The following SUGCT variants were observed in gnomAD, a reference collection of about 807,000 sequenced individuals.
The protein encoded by SUGCT is succinyl-CoA:glutarate-CoA transferase, also known as succinyl-CoA:glutarate CoA-transferase.
A neutral mutation model predicts 55.0 loss-of-function variants in SUGCT; 41 were observed. That is an observed-to-expected ratio of 0.74 (90% CI 0.58 to 0.97). The LOEUF (loss-of-function observed/expected upper bound fraction) is 0.97, where lower values mean the gene tolerates loss of function less well. Ranked by LOEUF, SUGCT falls within the 50% of genes least tolerant of loss-of-function variation. The pLI, the probability that SUGCT is intolerant of heterozygous loss-of-function variation, is 0.00. For missense variants in SUGCT, 568 were observed against 547.8 expected, an observed-to-expected ratio of 1.04 and a Z score of -0.37; for synonymous variants, 187 against 200.4, an observed-to-expected ratio of 0.93 and a Z score of 0.56.
At chr7:40,751,655 C>T (rs1212461387) in intron 13 of SUGCT, among the ~76,000 whole-genome samples, 1 of 152,134 alleles carries the variant, frequency 6.6e-6, no homozygotes, top group Non-Finnish European at 1.5e-5. Flanking sequence ...TCCTCCTCTG[C>T]CCACCATGCT....
the SUGCT span, among the ~76,000 whole-genome samples, chr7:40,952,982 G>C: frequency 1.3e-5 from 2 of 152,124 alleles, 1 homozygote; most frequent in Admixed American, 1.3e-4. Flanking sequence ...TCTATTTCCT[G>C]AATTTGAATG....
intron 12 of SUGCT, among the ~76,000 whole-genome samples, chr7:40,626,199 C>G: frequency 6.6e-6 from 1 of 152,048 alleles, no homozygotes; most frequent in East Asian, 1.9e-4. Flanking sequence ...GGAAGCTTCC[C>G]CCAGACTCTG....
chr7:40,898,007 CG>C, the SUGCT span, among the ~76,000 whole-genome samples: 2 of 152,258 alleles, frequency 1.3e-5, no homozygotes, highest in African/African-American at 4.8e-5. Flanking sequence ...GGTTCCCTTC[CG>C]GTGTGAAAGG....
chr7:40,327,711 T>C (rs369750107), intron 9 of SUGCT, among the ~76,000 whole-genome samples: 4 of 152,360 alleles, frequency 2.6e-5, no homozygotes, highest in East Asian at 1.9e-4. Context: ...TGTGTTTTTA[T>C]ATTTTCTATG....
intron 13 of SUGCT, among the ~76,000 whole-genome samples, chr7:40,756,486 C>T (rs1308467789): frequency 6.6e-6 from 1 of 152,144 alleles, no homozygotes; most frequent in Admixed American, 6.6e-5. Flanking sequence ...CTTTTCTATG[C>T]TACACAAGAC....
At chr7:40,224,739 G>A (rs1788230243) in intron 6 of SUGCT, among the ~76,000 whole-genome samples, 2 of 152,116 alleles carry the variant, frequency 1.3e-5, no homozygotes, top group South Asian at 2.1e-4. Flanking sequence ...TTAAATTCCC[G>A]CTATACTACT....
At chr7:40,752,395 G>T (rs572247585) in intron 13 of SUGCT, among the ~76,000 whole-genome samples, 1 of 152,106 alleles carries the variant, frequency 6.6e-6, no homozygotes, top group Admixed American at 6.5e-5. Flanking sequence ...TCACTCTGTC[G>T]CCCAGGCTGA....
the SUGCT span, among the ~76,000 whole-genome samples, chr7:40,953,863 T>G: frequency 2.6e-4 from 39 of 152,310 alleles, no homozygotes; most frequent in African/African-American, 8.7e-4. Flanking sequence ...TCTGCCCCTA[T>G]TGGGGGGTGC....
intron 13 of SUGCT, chr7:40,783,567 CAGAG>C (rs1244582367): frequency 2.6e-5 from 4 of 152,016 alleles, no homozygotes; most frequent in African/African-American, 4.8e-5. Flanking sequence ...GCATAAGAGT[CAGAG>C]GGGAGAAGGA....
chr7:40,974,528 C>G, the SUGCT span, among the ~76,000 whole-genome samples: 2 of 152,186 alleles, frequency 1.3e-5, no homozygotes, highest in African/African-American at 4.8e-5. Flanking sequence ...AAATCTTGAT[C>G]TAGGACTTCC....
chr7:40,337,760 T>G (rs1177721606), intron 9 of SUGCT, among the ~76,000 whole-genome samples: 2 of 152,224 alleles, frequency 1.3e-5, no homozygotes, highest in African/African-American at 2.4e-5. Flanking sequence ...TTAAGGTTAC[T>G]ATTGTTATAT....
intron 11 of SUGCT, among the ~76,000 whole-genome samples, chr7:40,470,977 T>C (rs921783342): frequency 6.6e-6 from 1 of 152,208 alleles, no homozygotes; most frequent in Admixed American, 6.5e-5. Context: ...GTCTCAGTAC[T>C]CTGTTCAATT....
At chr7:40,639,710 G>A (rs536801090) in intron 12 of SUGCT, among the ~76,000 whole-genome samples, 6 of 146,168 alleles carry the variant, frequency 4.1e-5, no homozygotes, top group Non-Finnish European at 7.5e-5. Flanking sequence ...ACGGGGTTTC[G>A]CCACATTGGC....
At chr7:40,957,764 A>T in the SUGCT span, among the ~76,000 whole-genome samples, 53 of 151,774 alleles carry the variant, frequency 3.5e-4, no homozygotes, top group Non-Finnish European at 6.3e-4. Flanking sequence ...GTTTCGGTGG[A>T]CTTTACATTT....
At chr7:40,579,404 G>T (rs1187402395) in intron 12 of SUGCT, among the ~76,000 whole-genome samples, 1 of 152,128 alleles carries the variant, frequency 6.6e-6, no homozygotes, top group Non-Finnish European at 1.5e-5. Context: ...CCATTGAAAA[G>T]CTGGGAGACA....
At chr7:40,484,632 T>C (rs1791233607) in intron 11 of SUGCT, among the ~76,000 whole-genome samples, 1 of 152,198 alleles carries the variant, frequency 6.6e-6, no homozygotes, top group Non-Finnish European at 1.5e-5. Flanking sequence ...CCCTATCTAC[T>C]TCTCTAAGCC....
intron 12 of SUGCT, among the ~76,000 whole-genome samples, chr7:40,503,317 A>AT (rs1452570149): frequency 1.3e-5 from 2 of 152,142 alleles, no homozygotes; most frequent in Admixed American, 6.5e-5. Flanking sequence ...CTGTTAGAAT[A>AT]TTTTTCTGAA....
intron 12 of SUGCT, among the ~76,000 whole-genome samples, chr7:40,583,180 A>G (rs964591526): frequency 3.9e-5 from 6 of 152,198 alleles, no homozygotes; most frequent in African/African-American, 1.4e-4. Context: ...AGGAAAATAT[A>G]CTTTAAAGTA....
chr7:40,447,612 G>T (rs1478756934), intron 9 of SUGCT, among the ~76,000 whole-genome samples: 6 of 152,120 alleles, frequency 3.9e-5, no homozygotes, highest in African/African-American at 1.2e-4. Context: ...CTTGAAAGGG[G>T]TGTTGGGATT....
Sources: gnomAD v4.1 joint callset for allele counts (sites outside exome capture counted in the v4.1 genomes callset) on GRCh38, gnomAD v4.1.1 for gene constraint, MANE v1.5 for transcripts, NCBI Gene and HGNC (gene_info 2026-07-23, HGNC 2026-07-21) for gene names.